Variants in ERG observed in about 807,000 individuals in gnomAD.
ERG encodes the protein transcriptional regulator ERG.
Under a neutral mutation model 55.3 loss-of-function variants are expected in ERG, and 9 were observed. The observed-to-expected ratio is 0.16, with a 90% CI of 0.10 to 0.28. The LOEUF is 0.28. Ranked by LOEUF, ERG falls within the 10% of genes least tolerant of loss-of-function variation. The pLI, the probability that ERG is intolerant of heterozygous loss-of-function variation, is 1.00. For synonymous variants in ERG, 223 were observed against 237.3 expected (o/e 0.94, Z 0.55); for missense variants, 434 against 631.6 (o/e 0.69, Z 3.35).
chr21:38,471,986 C>G (rs1319472053), intron 1 of ERG: 1 of 152,260 alleles, frequency 6.6e-6, no homozygotes, highest in African/African-American at 2.4e-5. Context: ...AAGCTTCCCC[C>G]TCCCCTGTTG....
intron 2 of ERG, among the ~76,000 whole-genome samples, chr21:38,539,046 A>G (rs1215225610): frequency 6.6e-6 from 1 of 152,208 alleles, no homozygotes; most frequent in Non-Finnish European, 1.5e-5. Flanking sequence ...AAAATGGAAA[A>G]GAATACTATT....
At chr21:38,521,348 A>C (rs1241562300) in intron 2 of ERG, among the ~76,000 whole-genome samples, 1 of 152,234 alleles carries the variant, frequency 6.6e-6, no homozygotes, top group Non-Finnish European at 1.5e-5. Flanking sequence ...AGGCAGGCAC[A>C]GAGAAGTTAC....
chr21:38,527,717 T>C (rs920165861), intron 2 of ERG, among the ~76,000 whole-genome samples: 1 of 152,154 alleles, frequency 6.6e-6, no homozygotes, highest in Admixed American at 6.5e-5. Flanking sequence ...CCCAAAATTG[T>C]ATGAGTGGCC....
In ERG at chr21:38,382,639, C is replaced by G. The variant is rs892865611; in HGVS notation, c.*764G>C. 3 of 1,066,870 alleles carry G rather than the reference C, an allele frequency of 2.8e-6. No individual in the cohort carries two copies. The highest frequency in any genetic ancestry group is 3.4e-6 in the Non-Finnish European group (3 of 880,030). 66.1% of individuals were successfully genotyped at this position (1,066,870 alleles called of 1,614,324 possible). The stretch of plus-strand genomic sequence containing the variant: ...AATGTCCTGAGTCCAGTCTTCATTG[C>G]TTGAGAAGTTTCTTTCCCAGCCCTG... On this transcript the variant is annotated 3_prime_UTR_variant, in exon 10 of 10. Coordinates refer to ENST00000288319, the MANE Select transcript of ERG (RefSeq NM_182918.4).
chr21:38,624,891 T>C (rs1020372364), intron 1 of ERG, among the ~76,000 whole-genome samples: 4 of 152,250 alleles, frequency 2.6e-5, no homozygotes, highest in African/African-American at 9.6e-5. Context: ...TTAAAAAGAA[T>C]ATGCCTTATT....
intron 3 of ERG, among the ~76,000 whole-genome samples, chr21:38,406,779 C>T (rs1458641235): frequency 6.6e-6 from 1 of 152,050 alleles, no homozygotes; most frequent in Admixed American, 6.5e-5. Context: ...TGTCTGAAAG[C>T]CACTAGGTTC....
intron 2 of ERG, among the ~76,000 whole-genome samples, chr21:38,535,847 C>T (rs1436592092): frequency 1.3e-5 from 2 of 152,162 alleles, no homozygotes; most frequent in Non-Finnish European, 1.5e-5. Context: ...AAGAGGAATA[C>T]AGATAAAACG....
intron 2 of ERG, among the ~76,000 whole-genome samples, chr21:38,564,799 T>G (rs9978340): frequency 0.16 from 25,062 of 152,076 alleles, 2,194 homozygotes; most frequent in East Asian, 0.33. Flanking sequence ...CCAACCTGTA[T>G]GCATTGGAGG....
intron 2 of ERG, among the ~76,000 whole-genome samples, chr21:38,517,241 C>A (rs188616657): frequency 1.3e-5 from 2 of 151,604 alleles, no homozygotes; most frequent in African/African-American, 4.8e-5. Context: ...CCAGAATATA[C>A]ACAAAACTCA....
At chr21:38,391,112 A>G in intron 8 of ERG, 70 bp from the exon 9 acceptor site, 2 of 1,269,510 alleles carry the variant, frequency 1.6e-6, no homozygotes, top group African/African-American at 1.5e-5. Context: ...CTTCAGACAT[A>G]ATGCCTGACT....
intron 2 of ERG, among the ~76,000 whole-genome samples, chr21:38,506,243 TG>T (rs2059459839): frequency 6.6e-6 from 1 of 152,212 alleles, no homozygotes; most frequent in African/African-American, 2.4e-5. Flanking sequence ...TTGTTCAATA[TG>T]TTCCCAAATG....
chr21:38,536,701 T>C (rs888339494), intron 2 of ERG, among the ~76,000 whole-genome samples: 3 of 152,234 alleles, frequency 2.0e-5, no homozygotes, highest in African/African-American at 7.2e-5. Context: ...CATCAGTATT[T>C]ACATTTCAAA....
intron 1 of ERG, among the ~76,000 whole-genome samples, chr21:38,655,312 G>C (rs1348018573): frequency 1.3e-5 from 2 of 152,200 alleles, no homozygotes; most frequent in South Asian, 2.1e-4. Flanking sequence ...ATGTCAAGCA[G>C]AATTCCAAGC....
At chr21:38,397,652 A>G (rs1339972392) in intron 6 of ERG, among the ~76,000 whole-genome samples, 1 of 150,326 alleles carries the variant, frequency 6.7e-6, no homozygotes, top group Non-Finnish European at 1.5e-5. Context: ...AAGAAAAGGT[A>G]GGTTGGGGCA....
intron 1 of ERG, among the ~76,000 whole-genome samples, chr21:38,654,674 C>T (rs1022607980): frequency 2.6e-5 from 4 of 152,160 alleles, no homozygotes; most frequent in Non-Finnish European, 4.4e-5. Context: ...TATTTTAAAA[C>T]TCTGTAGTGA....
chr21:38,622,624 CCAT>C (rs1191146861), intron 1 of ERG, among the ~76,000 whole-genome samples: 4 of 149,650 alleles, frequency 2.7e-5, no homozygotes, highest in South Asian at 2.1e-4. Flanking sequence ...CACATACACA[CCAT>C]ATCACACACA....
intron 2 of ERG, among the ~76,000 whole-genome samples, chr21:38,533,486 G>A (rs964172306): frequency 6.6e-6 from 1 of 152,096 alleles, no homozygotes; most frequent in East Asian, 1.9e-4. Flanking sequence ...CCAATGGAAC[G>A]TTGTGCCTTA....
At chr21:38,490,595 G>C (rs1488931302) in intron 1 of ERG, among the ~76,000 whole-genome samples, 2 of 152,198 alleles carry the variant, frequency 1.3e-5, no homozygotes, top group Non-Finnish European at 2.9e-5. Context: ...CCCCTCCCCG[G>C]TTTGAAGATC....
rs1317249570 is a variant in ERG, at chr21:38,395,859, A to G, written c.746-3415T>C. ...CTTTCCTGGAGGGCTAAGTTCAGCC[A>G]AGTTTTACATTCTCCCTTCATCAAA... On this transcript the variant is annotated intron_variant, in intron 6 of 9. Transcript: ENST00000288319. 3.9e-5 allele frequency among the ~76,000 whole-genome samples: 6 copies of G among 152,182 alleles called. No individual in the cohort carries two copies. In the South Asian group the frequency reaches 1.2e-3, roughly 32 times the overall value.
Sources: allele counts gnomAD v4.1 joint callset (sites outside exome capture counted in the v4.1 genomes callset), GRCh38; gene constraint gnomAD v4.1.1; transcripts MANE v1.5; gene names NCBI Gene and HGNC (gene_info 2026-07-23, HGNC 2026-07-21).